Variants in COL21A1 observed in about 807,000 individuals in gnomAD.
The protein encoded by COL21A1 is collagen alpha-1(XXI) chain.
A neutral mutation model predicts 137.9 loss-of-function variants in COL21A1; 149 were observed. That is an observed-to-expected ratio of 1.08 (90% CI 0.95 to 1.24). COL21A1 has a LOEUF of 1.24. Among genes scored for constraint, COL21A1 ranks in the 50% most tolerant of loss-of-function variants. The probability of loss-of-function intolerance (pLI) is 0.00; values close to 1 mark genes in which losing one functional copy is unlikely to be tolerated. For synonymous variants in COL21A1, 456 were observed against 391.5 expected, an observed-to-expected ratio of 1.16 and a Z score of -1.95; for missense variants, 1,167 against 1,158.4, an observed-to-expected ratio of 1.01 and a Z score of -0.11.
chr6:56,379,407 C>G (rs2094005161), intron 1 of COL21A1, among the ~76,000 whole-genome samples: 1 of 152,096 alleles, frequency 6.6e-6, no homozygotes, highest in Admixed American at 6.5e-5. Flanking sequence ...CTGAAAATAG[C>G]CTGAGGCTGA....
chr6:56,095,200 T>C (rs1288246107), intron 17 of COL21A1, among the ~76,000 whole-genome samples: 1 of 152,222 alleles, frequency 6.6e-6, no homozygotes, highest in Non-Finnish European at 1.5e-5. Flanking sequence ...TATTTAGATA[T>C]GTTCCATTTA....
intron 1 of COL21A1, among the ~76,000 whole-genome samples, chr6:56,183,722 C>T (rs76493988): frequency 1.3e-5 from 2 of 152,022 alleles, no homozygotes; most frequent in East Asian, 3.9e-4. Flanking sequence ...ATAAGCAGAT[C>T]CAAAGTTTAT....
Position 56,060,107 on chromosome 6 carries a change from C to A in COL21A1, c.2519G>T (p.Gly840Val). Residue 840 changes from glycine to valine, a missense_variant, in exon 28 of 30, where the codon GGT (glycine) becomes GTT (valine). Coordinates refer to ENST00000244728, the MANE Select transcript of COL21A1 (RefSeq NM_030820.4). ...PGPPGPIGPE[G>V]PRGLPGLPGR... The stretch of plus-strand genomic sequence containing the variant: ...TGGCAAACCAGGTAATCCTCTGGGA[C>A]CCTCTGGGCCTATCGGACCAGGTGG... The A allele has an allele frequency of 6.2e-7, 1 of 1,608,494 alleles. No individual in the cohort carries two copies. The highest frequency in any genetic ancestry group is 8.5e-7 in the Non-Finnish European group (1 of 1,178,390).
In COL21A1 at chr6:56,253,251, T is replaced by C. The variant is rs563636563; in HGVS notation, c.-38-70595A>G. Among the ~76,000 whole-genome samples, 115 of 152,320 alleles carry C rather than the reference T, an allele frequency of 7.5e-4. 1 individual carries two copies. The South Asian group carries it at 0.015, about 19-fold the overall frequency. ...AGAAACATCACAGCCCAGAGGCCTA[T>C]GATTTTACAGGAGTGATTGTAGTAG... On this transcript the variant is annotated intron_variant, in intron 1 of 28. Transcript: ENST00000370819.
At chr6:56,185,270 C>A (rs988517879) in intron 1 of COL21A1, among the ~76,000 whole-genome samples, 1 of 151,712 alleles carries the variant, frequency 6.6e-6, no homozygotes, top group Non-Finnish European at 1.5e-5. Context: ...AAAGTTAATT[C>A]TTTGGACAAA....
chr6:56,304,397 C>T (rs146391596), intron 1 of COL21A1, among the ~76,000 whole-genome samples: 12,198 of 152,030 alleles, frequency 0.08, 528 homozygotes, highest in Middle Eastern at 0.14. Flanking sequence ...TTAATTATTG[C>T]CTCAATTTCA....
intron 1 of COL21A1, among the ~76,000 whole-genome samples, chr6:56,238,369 G>A (rs1292988772): frequency 6.7e-6 from 1 of 149,912 alleles, no homozygotes; most frequent in Admixed American, 6.7e-5. Flanking sequence ...AATCTGGACT[G>A]CAGAAGCATG....
chr6:56,383,279 G>A (rs1198533761), intron 1 of COL21A1, among the ~76,000 whole-genome samples: 1 of 151,936 alleles, frequency 6.6e-6, no homozygotes, highest in East Asian at 1.9e-4. Flanking sequence ...TTCCTATAAG[G>A]GCATTAATCA....
chr6:56,323,442 T>A (rs1226937537), intron 1 of COL21A1, among the ~76,000 whole-genome samples: 2 of 152,162 alleles, frequency 1.3e-5, no homozygotes, highest in East Asian at 3.9e-4. Flanking sequence ...CAGGCTGGAG[T>A]GCAATGGCAC....
intron 1 of COL21A1, among the ~76,000 whole-genome samples, chr6:56,325,777 T>TAA (rs376969081): frequency 2.5e-3 from 4 of 1,616 alleles, no homozygotes; most frequent in Non-Finnish European, 3.7e-3. Flanking sequence ...ATTATATATA[T>TAA]TTATATAATA....
chr6:56,240,282 T>C (rs764752668), intron 1 of COL21A1, among the ~76,000 whole-genome samples: 2 of 152,154 alleles, frequency 1.3e-5, no homozygotes, highest in Non-Finnish European at 2.9e-5. Flanking sequence ...GGCTTTCCCT[T>C]AGTCTTCCAC....
chr6:56,105,782 A>C (rs1770833668), intron 16 of COL21A1, among the ~76,000 whole-genome samples: 1 of 152,218 alleles, frequency 6.6e-6, no homozygotes, highest in South Asian at 2.1e-4. Flanking sequence ...GTGCTGTAAA[A>C]AGAGCCAAGC....
At chr6:56,205,198 G>A (rs1291792978) in intron 1 of COL21A1, among the ~76,000 whole-genome samples, 1 of 152,132 alleles carries the variant, frequency 6.6e-6, no homozygotes, top group Non-Finnish European at 1.5e-5. Flanking sequence ...AGCTAAAGGA[G>A]CATGTTCTAA....
intron 1 of COL21A1, among the ~76,000 whole-genome samples, chr6:56,216,015 A>G (rs1780459008): frequency 1.3e-5 from 2 of 152,058 alleles, no homozygotes. Flanking sequence ...AATTCCTTAC[A>G]TGTTACAGGC....
chr6:56,109,208 G>A (rs888618889), intron 16 of COL21A1, among the ~76,000 whole-genome samples: 1 of 151,220 alleles, frequency 6.6e-6, no homozygotes, highest in African/African-American at 2.4e-5. Context: ...TAGGATAAAA[G>A]TAAAAAACAA....
intron 10 of COL21A1, among the ~76,000 whole-genome samples, chr6:56,155,882 C>T (rs556202574): frequency 1.3e-5 from 2 of 152,268 alleles, no homozygotes; most frequent in East Asian, 3.9e-4. Context: ...GGATTATAGG[C>T]GTGAGCCACC....
At chr6:56,260,991 T>G (rs1341812804) in intron 1 of COL21A1, among the ~76,000 whole-genome samples, 1 of 152,052 alleles carries the variant, frequency 6.6e-6, no homozygotes, top group African/African-American at 2.4e-5. Flanking sequence ...ATAAATATAT[T>G]TATTTGAAAG....
chr6:56,195,855 G>T (rs1001915099), intron 1 of COL21A1, among the ~76,000 whole-genome samples: 1 of 151,880 alleles, frequency 6.6e-6, no homozygotes, highest in Non-Finnish European at 1.5e-5. Context: ...TTAAAGAAAA[G>T]AAAATACTTC....
chr6:56,242,917 T>A (rs1385730150), intron 1 of COL21A1, among the ~76,000 whole-genome samples: 1 of 152,172 alleles, frequency 6.6e-6, no homozygotes, highest in Non-Finnish European at 1.5e-5. Context: ...GGATTGTGCG[T>A]CTCTTTGTCA....
Sources: gnomAD v4.1 joint callset for allele counts (sites outside exome capture counted in the v4.1 genomes callset) on GRCh38, gnomAD v4.1.1 for gene constraint, MANE v1.5 for transcripts, NCBI Gene and HGNC (gene_info 2026-07-23, HGNC 2026-07-21) for gene names.